GMCL1: variants seen among roughly 807,000 people sequenced by gnomAD.
GMCL1 encodes germ cell-less 1, spermatogenesis associated, also known as germ cell-less protein-like 1.
A neutral mutation model predicts 75.5 loss-of-function variants in GMCL1; 54 were observed. That is an observed-to-expected ratio of 0.71 (90% CI 0.57 to 0.90). The LOEUF is 0.90. Ranked by LOEUF, GMCL1 falls within the 40% of genes least tolerant of loss-of-function variation. GMCL1 has a pLI of 0.00. For missense variants in GMCL1, 537 were observed against 622.7 expected (o/e 0.86, Z 1.47); for synonymous variants, 210 against 209.6 (o/e 1.00, Z -0.02).
At chr2:69,841,165 A>G (rs1674974552) in intron 4 of GMCL1, 126 bp downstream of exon 4, 2 of 619,162 alleles carry the variant, frequency 3.2e-6, no homozygotes, top group African/African-American at 3.7e-5. Flanking sequence ...ATGTATAAAT[A>G]TGACATTTAT....
chr2:69,857,121 C>G (rs2104002532), intron 9 of GMCL1, among the ~76,000 whole-genome samples: 1 of 152,286 alleles, frequency 6.6e-6, no homozygotes, highest in East Asian at 1.9e-4. Context: ...GCCTCATTCC[C>G]TTTTACACTG....
intron 10 of GMCL1, among the ~76,000 whole-genome samples, chr2:69,862,984 A>T (rs1373341950): frequency 6.6e-6 from 1 of 152,010 alleles, no homozygotes; most frequent in African/African-American, 2.4e-5. Context: ...ATTTTTCATG[A>T]TTTTCCTCAC....
chr2:69,841,061 A>T (rs575379934), intron 4 of GMCL1, 22 bp downstream of exon 4: 1 of 1,524,554 alleles, frequency 6.6e-7, no homozygotes, highest in East Asian at 2.2e-5. Flanking sequence ...CGTTATTCGA[A>T]GAAAGGTTCA....
intron 10 of GMCL1, among the ~76,000 whole-genome samples, chr2:69,863,968 C>A (rs1366276542): frequency 1.3e-5 from 2 of 152,100 alleles, no homozygotes; most frequent in Non-Finnish European, 2.9e-5. Flanking sequence ...CCCCACCCAA[C>A]AAGCTTCCAC....
At chr2:69,836,408 A>C (rs1390385999) in intron 1 of GMCL1, among the ~76,000 whole-genome samples, 1 of 152,186 alleles carries the variant, frequency 6.6e-6, no homozygotes, top group East Asian at 1.9e-4. Flanking sequence ...CAGGAACTGG[A>C]AACTACATTG....
intron 13 of GMCL1, among the ~76,000 whole-genome samples, chr2:69,872,213 C>G (rs1391715380): frequency 6.6e-6 from 1 of 152,128 alleles, no homozygotes; most frequent in African/African-American, 2.4e-5. Context: ...AAAGACAATC[C>G]TGTATGTCTC....
rs201320282 is a variant in GMCL1, at chr2:69,830,763, C to CT, written c.260+627dup. 7.5e-3 allele frequency among the ~76,000 whole-genome samples: 1,042 copies of CT among 138,028 alleles called. 4 individuals are homozygous for CT. Among genetic ancestry groups the CT allele is most frequent in the Middle Eastern group, 0.019 (5 of 266 alleles). The allele number at this position is 138,028 out of a possible 152,430, so 90.6% of individuals were successfully genotyped here. ...GGTGCTGCTGCAGCTTGTTTAACCC[C>CT]TTTTTTTTTTTTTTTTGGATGAGTT... On this transcript the variant is annotated intron_variant, in intron 1 of 13. Transcript: ENST00000282570.
At chr2:69,838,403 GC>G (rs1385425340) in intron 2 of GMCL1, among the ~76,000 whole-genome samples, 1 of 146,268 alleles carries the variant, frequency 6.8e-6, no homozygotes, top group Non-Finnish European at 1.5e-5. Flanking sequence ...TGCTCTAATG[GC>G]CCAAATATTT....
At chr2:69,830,926 C>A (rs145296765) in intron 1 of GMCL1, among the ~76,000 whole-genome samples, 139 of 152,120 alleles carry the variant, frequency 9.1e-4, no homozygotes, top group African/African-American at 2.9e-3. Context: ...TAAATGATTT[C>A]TTTTTCTTTT....
intron 9 of GMCL1, among the ~76,000 whole-genome samples, chr2:69,859,161 AAAAAAAT>A (rs1345256016): frequency 2.0e-5 from 3 of 148,648 alleles, no homozygotes; most frequent in African/African-American, 7.8e-5. Context: ...AAAAAAAAAA[AAAAAAAT>A]TTATGGGATA....
rs111874106 is a variant in GMCL1, at chr2:69,852,773, G to A, written c.935-2050G>A. Among the ~76,000 whole-genome samples the A allele has an allele frequency of 5.5e-3, 831 of 152,142 alleles. 10 individuals are homozygous for A. Among genetic ancestry groups the A allele is most frequent in the African/African-American group, 0.018 (763 of 41,510 alleles). On this transcript the variant is annotated intron_variant, in intron 8 of 13. Coordinates refer to ENST00000282570, the MANE Select transcript of GMCL1 (RefSeq NM_178439.5). Reference sequence around the variant, plus strand: ...AGGCTGGTCTTGAACTTCTGTCCTCGAGTGATCTGCCTGCCTCGGCCTCCC... The same window carrying A: ...AGGCTGGTCTTGAACTTCTGTCCTCAAGTGATCTGCCTGCCTCGGCCTCCC...
intron 12 of GMCL1, among the ~76,000 whole-genome samples, chr2:69,871,088 A>G (rs898519867): frequency 2.6e-5 from 4 of 152,236 alleles, no homozygotes; most frequent in Non-Finnish European, 4.4e-5. Flanking sequence ...TCATAACAGC[A>G]TTATTCACAA....
Position 69,829,864 on chromosome 2 carries a change from C to T in GMCL1, c.-29C>T, listed in dbSNP as rs1479044689. ...ATGGCGGGAGACCCCCTTCTCTGGG[C>T]TCCCTGAAGTCTCGGGGAGCCGTGA... On this transcript the variant is annotated 5_prime_UTR_variant, in exon 1 of 14. Transcript: ENST00000282570. 1.3e-6 allele frequency: 2 copies of T among 1,538,866 alleles called. No homozygotes were observed. The highest frequency in any genetic ancestry group is 1.2e-5 in the South Asian group (1 of 81,274).
chr2:69,857,585 A>C (rs566763483), intron 9 of GMCL1, among the ~76,000 whole-genome samples: 1 of 152,360 alleles, frequency 6.6e-6, no homozygotes, highest in South Asian at 2.1e-4. Context: ...ATAAACTCAG[A>C]AAATAGCTTC....
intron 6 of GMCL1, among the ~76,000 whole-genome samples, chr2:69,846,623 T>C (rs1675155450): frequency 6.6e-6 from 1 of 152,198 alleles, no homozygotes; most frequent in African/African-American, 2.4e-5. Flanking sequence ...CGTGCTCTCT[T>C]GGCTTTTTAT....
intron 4 of GMCL1, chr2:69,842,914 C>T (rs911349269): frequency 1.7e-5 from 5 of 293,044 alleles, no homozygotes; most frequent in South Asian, 6.4e-5. Flanking sequence ...CTACTCCCCC[C>T]CACCTTCCAT....
At chr2:69,847,185 G>C (rs533712391) in intron 6 of GMCL1, among the ~76,000 whole-genome samples, 3 of 152,080 alleles carry the variant, frequency 2.0e-5, no homozygotes, top group African/African-American at 7.2e-5. Context: ...AGGCAAAAGA[G>C]GAAGACTGCC....
In GMCL1 at chr2:69,844,215, A is replaced by G; in HGVS notation, c.758+19A>G. The G allele has an allele frequency of 7.5e-7, 1 of 1,340,490 alleles. No homozygotes were observed. The highest frequency in any genetic ancestry group is 1.0e-6 in the Non-Finnish European group (1 of 956,392). 83.0% of individuals were successfully genotyped at this position (1,340,490 alleles called of 1,614,324 possible). A position where few individuals can be genotyped will look rare whatever the true frequency, so the allele number is the denominator to read the frequency against. On this transcript the variant is annotated intron_variant, in intron 6 of 13. Transcript: ENST00000282570. ...AACTCAGGTATTTGAATTTCAAGTA[A>G]CTTCATAATTAGTCATCCTAAAATA...
intron 11 of GMCL1, among the ~76,000 whole-genome samples, chr2:69,869,102 A>G (rs1304257310): frequency 6.7e-6 from 1 of 149,242 alleles, no homozygotes; most frequent in African/African-American, 2.5e-5. Flanking sequence ...AAAATACAAA[A>G]TTAGCCAGGC....
Sources: allele counts gnomAD v4.1 joint callset (sites outside exome capture counted in the v4.1 genomes callset), GRCh38; gene constraint gnomAD v4.1.1; transcripts MANE v1.5; gene names NCBI Gene and HGNC (gene_info 2026-07-23, HGNC 2026-07-21).